SVEP1: variants seen among roughly 807,000 people sequenced by gnomAD.
SVEP1 encodes the protein sushi, von Willebrand factor type A, EGF and pentraxin domain-containing protein 1.
In SVEP1, 164 loss-of-function variants were observed where a neutral mutation model predicts 367.3. The observed-to-expected ratio is 0.45, with a 90% CI of 0.39 to 0.51. The LOEUF (loss-of-function observed/expected upper bound fraction) is 0.51. SVEP1 is among the 20% of genes least tolerant of loss of function. The probability of loss-of-function intolerance (pLI) is 0.00; values close to 1 mark genes in which losing one functional copy is unlikely to be tolerated. For missense variants in SVEP1, 4,117 were observed against 4,425.3 expected, an observed-to-expected ratio of 0.93 and a Z score of 1.98; for synonymous variants, 1,666 against 1,611.6, an observed-to-expected ratio of 1.03 and a Z score of -0.81.
At chr9:110,468,515 T>G (rs1193542902) in intron 17 of SVEP1, among the ~76,000 whole-genome samples, 1 of 152,186 alleles carries the variant, frequency 6.6e-6, no homozygotes, top group Non-Finnish European at 1.5e-5. Context: ...GAAATAATTC[T>G]TGGACCTTCC....
In SVEP1 at chr9:110,469,037, T is replaced by A. The variant is rs777288712; in HGVS notation, c.3063A>T (p.Gly1021=). 4 of 1,613,922 alleles carry A rather than the reference T, an allele frequency of 2.5e-6. No homozygotes were observed. The Admixed American group carries it at 6.7e-5, about 27-fold the overall frequency. The change falls in exon 17 of 48, where the codon GGA becomes GGT. Residue 1021 remains glycine, a synonymous_variant. Transcript: ENST00000374469. ...GTTGCCCTTCTTCATCTTGATAGGA[T>A]CCGATCCGGCAGCTTTCACAGGTGA... ...EHFTCESCRI[G]SYQDEEGQLE...
chr9:110,483,327 C>T (rs1036985451), intron 10 of SVEP1, among the ~76,000 whole-genome samples: 1 of 152,148 alleles, frequency 6.6e-6, no homozygotes, highest in African/African-American at 2.4e-5. Context: ...AATTCATTAG[C>T]ACCCTGCTAG....
chr9:110,437,507 G>A (rs1015532075), intron 27 of SVEP1, among the ~76,000 whole-genome samples: 6 of 152,106 alleles, frequency 3.9e-5, no homozygotes, highest in Non-Finnish European at 5.9e-5. Context: ...ATTACACTAC[G>A]CTTGATTTCT....
chr9:110,528,340 G>T (rs1161436295), intron 3 of SVEP1, among the ~76,000 whole-genome samples: 2 of 150,464 alleles, frequency 1.3e-5, no homozygotes, highest in South Asian at 2.1e-4. Flanking sequence ...GGGATTGCTG[G>T]AATGAATGGC....
chr9:110,553,226 A>T (rs1830313637), intron 1 of SVEP1, among the ~76,000 whole-genome samples: 2 of 152,170 alleles, frequency 1.3e-5, no homozygotes, highest in African/African-American at 4.8e-5. Flanking sequence ...CACGTCAACT[A>T]CAGGGAGGAA....
chr9:110,471,676 C>T (rs7860284), intron 15 of SVEP1, 79 bp from the exon 16 acceptor site: 890,640 of 1,058,614 alleles, frequency 0.84, 375,622 homozygotes, highest in East Asian at 0.99. Flanking sequence ...TTTTACCAAA[C>T]AGAAATACTT....
At chr9:110,431,076 A>G (rs1828343338) in intron 32 of SVEP1, among the ~76,000 whole-genome samples, 1 of 152,240 alleles carries the variant, frequency 6.6e-6, no homozygotes, top group Non-Finnish European at 1.5e-5. Context: ...TAAGTCAAGG[A>G]GTTTAAACAA....
chr9:110,365,471 C>T lies in SVEP1; in HGVS notation c.*1068G>A, dbSNP rs1827183848. ...CCAAGGCCTGTGTGGGAGCAGTTTT[C>T]CCAGAGGATGGAGGCAAGTTGATTC... On this transcript the variant is annotated 3_prime_UTR_variant, in exon 48 of 48. Transcript: ENST00000374469. 6.6e-6 allele frequency: 1 copy of T among 152,178 alleles called. No individual in the cohort carries two copies. Among genetic ancestry groups the T allele is most frequent in the South Asian group, 2.1e-4 (1 of 4,824 alleles). 9.4% of individuals were successfully genotyped at this position (152,178 alleles called of 1,614,324 possible). A position where few individuals can be genotyped will look rare whatever the true frequency, so the allele number is the denominator to read the frequency against.
chr9:110,376,002 C>T (rs1388391348), intron 45 of SVEP1, among the ~76,000 whole-genome samples: 4 of 152,246 alleles, frequency 2.6e-5, no homozygotes, highest in South Asian at 2.1e-4. Context: ...TGATGCCTCC[C>T]GAACCCTGTT....
chr9:110,366,173 ATATTATT>A lies in SVEP1; in HGVS notation c.*359_*365del, dbSNP rs1827196403. 1 of 179,782 alleles carries A rather than the reference ATATTATT, an allele frequency of 5.6e-6. No homozygotes were observed. Among genetic ancestry groups the A allele is most frequent in the Admixed American group, 6.2e-5 (1 of 16,254 alleles). 11.1% of individuals were successfully genotyped at this position (179,782 alleles called of 1,614,324 possible). On this transcript the variant is annotated 3_prime_UTR_variant, in exon 48 of 48. Transcript: ENST00000374469. Reference sequence around the variant, plus strand: ...TCATAAAATGGTACTATCCAGCAAAATATTATTTAGTAGCAAAATATACTTTAATGGA... The same window carrying A: ...TCATAAAATGGTACTATCCAGCAAAATAGTAGCAAAATATACTTTAATGGA...
rs1564144345 is a variant in SVEP1 at position 110,443,724 on chromosome 9, TAGAG to T, written c.4464-8_4464-5del. The T allele has an allele frequency of 1.9e-6, 3 of 1,579,148 alleles. No individual in the cohort carries two copies. The highest frequency in any genetic ancestry group is 1.8e-5 in the Admixed American group (1 of 56,084). On this transcript the variant is annotated splice_polypyrimidine_tract_variant and splice_region_variant and intron_variant, in intron 26 of 47. Coordinates refer to ENST00000374469, the MANE Select transcript of SVEP1 (RefSeq NM_153366.4). ...GCCATTCACATAAAGAACCCAGCTGTAGAGAGAAAGATTCCAGGGAATGTAGTCA... is the reference window on the plus strand; with the variant it reads ...GCCATTCACATAAAGAACCCAGCTGTAGAAAGATTCCAGGGAATGTAGTCA...
chr9:110,390,336 C>CACTTATAT (rs1827631631), intron 40 of SVEP1, among the ~76,000 whole-genome samples: 1 of 23,000 alleles, frequency 4.3e-5, no homozygotes, highest in Non-Finnish European at 7.1e-5. Context: ...TATATATACA[C>CACTTATAT]ATACTTATAT....
rs1401731348 is a variant in SVEP1 at position 110,479,701 on chromosome 9, A to C, written c.2421T>G (p.Ala807=). The change falls in exon 13 of 48, where the codon GCT becomes GCG. Residue 807 remains alanine, a synonymous_variant. Transcript: ENST00000374469. ...TCATCAGATCTGTGTCATCACAACG[A>C]GCTGCTTTGTAGAACATCTCAAAGG... ...FKSFEMFYKA[A]RCDDTDLMKK... is the part of the protein sequence containing the mutation. 1.2e-6 allele frequency: 2 copies of C among 1,611,174 alleles called. No individual in the cohort carries two copies. The highest frequency in any genetic ancestry group is 1.7e-6 in the Non-Finnish European group (2 of 1,179,070).
intron 3 of SVEP1, among the ~76,000 whole-genome samples, chr9:110,531,558 C>T (rs1046909953): frequency 3.3e-5 from 5 of 152,118 alleles, no homozygotes; most frequent in African/African-American, 1.2e-4. Flanking sequence ...TTTACTTCCC[C>T]TTCTGCCATG....
At chr9:110,379,572 A>T in intron 43 of SVEP1, 55 bp from the exon 44 acceptor site, 3 of 1,537,544 alleles carry the variant, frequency 2.0e-6, no homozygotes, top group Non-Finnish European at 1.8e-6. Flanking sequence ...GACTGAGAAC[A>T]CAGTCTCATC....
chr9:110,376,956 T>C (rs1264300764), intron 45 of SVEP1: 4 of 228,436 alleles, frequency 1.8e-5, no homozygotes, highest in Admixed American at 5.1e-5. Flanking sequence ...TAGCACATAG[T>C]AGACCTTGAG....
intron 1 of SVEP1, among the ~76,000 whole-genome samples, chr9:110,552,023 C>A (rs191541154): frequency 1.0e-4 from 13 of 128,808 alleles, no homozygotes; most frequent in Admixed American, 6.1e-4. Context: ...TGGTACCCAA[C>A]CTTTTTTTTT....
intron 24 of SVEP1, among the ~76,000 whole-genome samples, chr9:110,448,113 T>TG (rs1828631608): frequency 1.3e-5 from 2 of 151,498 alleles, no homozygotes; most frequent in Admixed American, 1.3e-4. Context: ...TGATTACTGC[T>TG]GGGGGAAGAA....
intron 1 of SVEP1, among the ~76,000 whole-genome samples, chr9:110,550,978 T>A (rs1340305612): frequency 1.3e-5 from 2 of 152,224 alleles, no homozygotes; most frequent in Non-Finnish European, 2.9e-5. Context: ...TTGTTGCTTT[T>A]CACTACAGAT....
Sources: allele counts gnomAD v4.1 joint callset (sites outside exome capture counted in the v4.1 genomes callset), GRCh38; gene constraint gnomAD v4.1.1; transcripts MANE v1.5; gene names NCBI Gene and HGNC (gene_info 2026-07-23, HGNC 2026-07-21).